The following COG4 variants were observed in gnomAD, a reference collection of about 807,000 sequenced individuals.
COG4 encodes component of oligomeric golgi complex 4.
In COG4, 65 loss-of-function variants were observed where a neutral mutation model predicts 95.1. The observed-to-expected ratio is 0.68, with a 90% confidence interval of 0.56 to 0.84. The LOEUF is 0.84. COG4 is among the 40% of genes least tolerant of loss of function. The probability of loss-of-function intolerance (pLI) is 0.00; values close to 1 mark genes in which losing one functional copy is unlikely to be tolerated. For synonymous variants in COG4, 421 were observed against 374.8 expected (o/e 1.12, Z -1.42); for missense variants, 1,045 against 989.1 (o/e 1.06, Z -0.76).
chr16:70,482,002 C>G, intron 16 of COG4, 90 bp downstream of exon 16: 1 of 1,361,584 alleles, frequency 7.3e-7, no homozygotes. Flanking sequence ...CTTTCAGGGT[C>G]CCCAGAAGGA....
chr16:70,504,562 G>A (rs1266584878), intron 8 of COG4, among the ~76,000 whole-genome samples: 1 of 146,152 alleles, frequency 6.8e-6, no homozygotes, highest in African/African-American at 2.6e-5. Flanking sequence ...AGCCAAAATT[G>A]AGCCACTGCA....
At position 70,496,257 on chromosome 16, in the gene COG4, G is replaced by C. The variant is rs778924738; in HGVS notation, c.1647+9C>G. 1.9e-6 allele frequency: 3 copies of C among 1,614,086 alleles called. No homozygotes were observed. Among genetic ancestry groups the C allele is most frequent in the Non-Finnish European group, 8.5e-7 (1 of 1,179,992 alleles). On this transcript the variant is annotated intron_variant, in intron 12 of 18. Coordinates refer to ENST00000323786, the MANE Select transcript of COG4 (RefSeq NM_015386.3). ...AACCAACCCAGCTCGTGAGCTGTGG[G>C]GTACCTACCAGGAAGGACATCTTCG... is the stretch of plus-strand genomic sequence containing the variant.
intron 12 of COG4, among the ~76,000 whole-genome samples, chr16:70,491,327 C>T (rs2049238783): frequency 1.3e-5 from 2 of 151,336 alleles, no homozygotes; most frequent in Admixed American, 6.6e-5. Context: ...ACAGCCTGGC[C>T]AACATGGTGA....
rs1452590909 is a variant in COG4 at position 70,504,925 on chromosome 16, A to T, written c.1061+3481T>A. Among the ~76,000 whole-genome samples, 6 of 151,870 alleles carry T rather than the reference A, an allele frequency of 4.0e-5. No individual in the cohort carries two copies. In the East Asian group the frequency reaches 9.7e-4, roughly 24 times the overall value. ...GACTGTCTCAAAAAAAAAAAAAAAA[A>T]ATCCAGTCAAAATGCCGTTAGTGCA... On this transcript the variant is annotated intron_variant, in intron 8 of 18. Transcript: ENST00000323786.
intron 8 of COG4, among the ~76,000 whole-genome samples, chr16:70,506,679 G>A (rs1006158072): frequency 3.4e-5 from 5 of 147,280 alleles, no homozygotes; most frequent in East Asian, 2.0e-4. Context: ...GGAGCTACTC[G>A]GGAGGCTGAG....
intron 15 of COG4, 57 bp from the exon 16 acceptor site, chr16:70,482,232 G>T: frequency 9.9e-7 from 1 of 1,009,258 alleles, no homozygotes; most frequent in Non-Finnish European, 1.6e-6. Flanking sequence ...ACCATTCATT[G>T]CCACCCACCT....
intron 1 of COG4, 131 bp downstream of exon 1, chr16:70,523,242 C>A: frequency 8.8e-7 from 1 of 1,132,386 alleles, no homozygotes; most frequent in South Asian, 1.3e-5. Flanking sequence ...ACCCGACTAG[C>A]TTCCGCTTCT....
At position 70,508,476 on chromosome 16, in the gene COG4, C is replaced by T; in HGVS notation, c.1003-12G>A. The T allele has an allele frequency of 1.2e-6, 2 of 1,613,138 alleles. No individual in the cohort carries two copies. The highest frequency in any genetic ancestry group is 1.7e-6 in the Non-Finnish European group (2 of 1,179,116). ...TGAACATGCCGGAACTGCAACATAC[C>T]ACAGGAATGAGAATATTCTTCCCCA... On this transcript the variant is annotated splice_polypyrimidine_tract_variant and intron_variant, in intron 7 of 18. Coordinates refer to ENST00000323786, the MANE Select transcript of COG4 (RefSeq NM_015386.3).
intron 17 of COG4, 77 bp downstream of exon 17, chr16:70,481,687 G>T (rs980701854): frequency 7.1e-7 from 1 of 1,404,450 alleles, no homozygotes; most frequent in Non-Finnish European, 1.0e-6. Flanking sequence ...GGGGATGCAA[G>T]TCCTGGGGGT....
Position 70,480,961 on chromosome 16 carries a change from A to G in COG4, c.*49T>C, listed in dbSNP as rs1269297129. 4 of 1,607,432 alleles carry G rather than the reference A, an allele frequency of 2.5e-6. No homozygotes were observed. The highest frequency in any genetic ancestry group is 1.3e-5 in the African/African-American group (1 of 74,796). On this transcript the variant is annotated 3_prime_UTR_variant, in exon 19 of 19. Coordinates refer to ENST00000323786, the MANE Select transcript of COG4 (RefSeq NM_015386.3). ...CTCAGCTCCTTGGCTGGGGCCCCTT[A>G]GGGAACAGGCCTGCAAGTGTGATGA...
In COG4 at chr16:70,481,112, A is replaced by G. The variant is rs1056975658; in HGVS notation, c.2268T>C (p.Asn756=). 1.9e-6 allele frequency: 3 copies of G among 1,613,298 alleles called. No homozygotes were observed. The highest frequency in any genetic ancestry group is 3.3e-5 in the Admixed American group (2 of 59,984). ...TGAGGCGCCACGTCAATGGGCCGGA[A>G]TTGGGTCCCCAGTAATCGAGGATCT... The part of the protein sequence containing the change: ...VTEILDYWGP[N]SGPLTWRLTP... Residue 756 remains asparagine (N), a synonymous_variant, in exon 19 of 19, where the codon AAT becomes AAC. Coordinates refer to ENST00000323786, the MANE Select transcript of COG4 (RefSeq NM_015386.3).
chr16:70,517,352 G>A (rs1053368186), intron 3 of COG4, among the ~76,000 whole-genome samples: 8 of 151,820 alleles, frequency 5.3e-5, no homozygotes, highest in African/African-American at 1.7e-4. Flanking sequence ...CTAACATGGC[G>A]AAAGGTGGAA....
At chr16:70,508,882 T>C (rs963157978) in intron 7 of COG4, 2 of 535,504 alleles carry the variant, frequency 3.7e-6, no homozygotes, top group African/African-American at 1.9e-5. Flanking sequence ...TTGGAGACAA[T>C]TACTTGGACA....
intron 11 of COG4, 106 bp downstream of exon 11, chr16:70,497,115 T>C (rs1206314829): frequency 4.5e-5 from 51 of 1,131,832 alleles, no homozygotes; most frequent in Non-Finnish European, 6.1e-5. Context: ...ATGTCCTGTA[T>C]AGAACTTAAC....
Position 70,487,726 on chromosome 16 carries a change from A to G in COG4, c.1710+2604T>C, listed in dbSNP as rs1259103695. ...GAGGCTGAGTTTGGGAGTGGGGAAG[A>G]ACTGGGCCCCCCTCATTTTCCAATA... On this transcript the variant is annotated intron_variant, in intron 13 of 18. Coordinates refer to ENST00000323786, the MANE Select transcript of COG4 (RefSeq NM_015386.3). Among the ~76,000 whole-genome samples the G allele has an allele frequency of 4.6e-5, 7 of 152,232 alleles. No individual in the cohort carries two copies. In the South Asian group the frequency reaches 1.4e-3, roughly 31 times the overall value.
chr16:70,514,381 C>T lies in COG4; in HGVS notation c.498G>A (p.Leu166=), dbSNP rs1240318516. The change falls in exon 4 of 19, where the codon TTG becomes TTA. Residue 166 remains leucine, a synonymous_variant. Coordinates refer to ENST00000323786, the MANE Select transcript of COG4 (RefSeq NM_015386.3). The part of the protein sequence containing the change: ...EQAAAHTHRY[L]CLDKSVIELS... Reference sequence around the variant, plus strand: ...GCTCAATGACCGACTTGTCCAGGCACAAGTAGCGATGAGTATGTGCTGCAG... The same window carrying T: ...GCTCAATGACCGACTTGTCCAGGCATAAGTAGCGATGAGTATGTGCTGCAG... 1 of 1,614,138 alleles carries T rather than the reference C, an allele frequency of 6.2e-7. No individual in the cohort carries two copies. The highest frequency in any genetic ancestry group is 1.3e-5 in the African/African-American group (1 of 75,024).
intron 1 of COG4, 174 bp downstream of exon 1, chr16:70,523,199 C>T (rs1282005344): frequency 2.8e-6 from 2 of 712,664 alleles, no homozygotes; most frequent in East Asian, 5.4e-5. Context: ...GCGCGTCCGA[C>T]AGCGTGAAAA....
At chr16:70,509,803 A>T in intron 6 of COG4, 113 bp downstream of exon 6, 5 of 793,118 alleles carry the variant, frequency 6.3e-6, no homozygotes, top group Non-Finnish European at 1.1e-5. Flanking sequence ...ATTAATACAC[A>T]ATAAACTACA....
At chr16:70,488,787 G>A (rs1448251409) in intron 13 of COG4, among the ~76,000 whole-genome samples, 2 of 151,978 alleles carry the variant, frequency 1.3e-5, no homozygotes, top group African/African-American at 4.8e-5. Context: ...CTGACCTCAG[G>A]TGATCCACCT....
Sources: allele counts gnomAD v4.1 joint callset (sites outside exome capture counted in the v4.1 genomes callset), GRCh38; gene constraint gnomAD v4.1.1; transcripts MANE v1.5; gene names NCBI Gene and HGNC (gene_info 2026-07-23, HGNC 2026-07-21).